IGSF22: variants seen among roughly 807,000 people sequenced by gnomAD.
IGSF22 encodes immunoglobulin superfamily member 22.
Under a neutral mutation model 127.0 loss-of-function variants are expected in IGSF22, and 119 were observed. That is an observed-to-expected ratio of 0.94 (90% CI 0.81 to 1.09). The LOEUF (loss-of-function observed/expected upper bound fraction) is 1.09, where lower values mean the gene tolerates loss of function less well. Among genes scored for constraint, IGSF22 ranks in the 50% least tolerant of loss-of-function variants. IGSF22 has a pLI of 0.00. For missense variants in IGSF22, 1,518 were observed against 1,716.6 expected (o/e 0.88, Z 2.04); for synonymous variants, 568 against 664.7 (o/e 0.85, Z 2.24).
chr11:18,706,433 C>T (rs1848235008), intron 21 of IGSF22: 1 of 496,342 alleles, frequency 2.0e-6, no homozygotes, highest in South Asian at 2.8e-5. Context: ...GCTTCCTGGA[C>T]CCGGTTATTC....
In IGSF22 at chr11:18,704,450, C is replaced by T. The variant is rs1374703187; in HGVS notation, c.*18G>A. ...TCCACATCATAACAGCCTCCTGATG[C>T]CTGGGCTTGGCTGGAGCTCACATGA... is the stretch of plus-strand genomic sequence containing the variant. On this transcript the variant is annotated 3_prime_UTR_variant, in exon 23 of 23. Coordinates refer to ENST00000513874, the MANE Select transcript of IGSF22 (RefSeq NM_173588.4). 1 of 1,535,826 alleles carries T rather than the reference C, an allele frequency of 6.5e-7. No individual in the cohort carries two copies. The highest frequency in any genetic ancestry group is 2.0e-5 in the Admixed American group (1 of 50,966).
At chr11:18,723,159 C>G (rs1238615067) in intron 2 of IGSF22, among the ~76,000 whole-genome samples, 1 of 152,190 alleles carries the variant, frequency 6.6e-6, no homozygotes, top group African/African-American at 2.4e-5. Context: ...GGTCAGTGGT[C>G]TACAGCTTTG....
chr11:18,705,865 C>T lies in IGSF22; in HGVS notation c.3862G>A (p.Glu1288Lys). Residue 1288 changes from glutamate (E) to lysine (K), a missense_variant, in exon 22 of 23, where the codon GAG (glutamate) becomes AAG (lysine). Glu to Lys is a moderately conservative substitution (Grantham distance 56). This residue lies in a region of IGSF22 where 58 missense variants were observed against 53.0 expected (regional missense o/e 1.10). Coordinates refer to ENST00000513874, the MANE Select transcript of IGSF22 (RefSeq NM_173588.4). Reference protein sequence around the residue: ...KDSGDYSVLVENELGKDRSSC... With the variant: ...KDSGDYSVLVKNELGKDRSSC... ...CTGCGGTCCTTGCCCAGCTCGTTCT[C>T]CACCAGCACGCTGTAATCGCCGCTG... is the stretch of plus-strand genomic sequence containing the variant. 1 of 1,551,300 alleles carries T rather than the reference C, an allele frequency of 6.4e-7. No homozygotes were observed. Among genetic ancestry groups the T allele is most frequent in the Non-Finnish European group, 8.7e-7 (1 of 1,146,966 alleles).
intron 2 of IGSF22, 113 bp from the exon 3 acceptor site, chr11:18,722,154 G>C (rs1848586700): frequency 1.6e-6 from 2 of 1,284,048 alleles, no homozygotes; most frequent in South Asian, 2.6e-5. Flanking sequence ...GAGCATTTAG[G>C]GAAGTGGGAG....
Position 18,724,280 on chromosome 11 carries a change from G to A in IGSF22, c.-33-11C>T, listed in dbSNP as rs1352707450. 4 of 1,403,028 alleles carry A rather than the reference G, an allele frequency of 2.9e-6. No individual in the cohort carries two copies. The highest frequency in any genetic ancestry group is 4.0e-6 in the Non-Finnish European group (4 of 990,536). 86.9% of individuals were successfully genotyped at this position (1,403,028 alleles called of 1,614,324 possible). A position where few individuals can be genotyped will look rare whatever the true frequency, so the allele number is the denominator to read the frequency against. ...CACTCACCTGTGAGACTGGGGAAGA[G>A]GATGAGGCCATGAAGGACAAGACAG... is the stretch of plus-strand genomic sequence containing the variant. On this transcript the variant is annotated splice_polypyrimidine_tract_variant and intron_variant, in intron 1 of 22. Coordinates refer to ENST00000513874, the MANE Select transcript of IGSF22 (RefSeq NM_173588.4).
rs1848341660 is a variant in IGSF22 at position 18,710,837 on chromosome 11, G to A, written c.2399-9C>T. 6.2e-7 allele frequency: 1 copy of A among 1,609,386 alleles called. No individual in the cohort carries two copies. The highest frequency in any genetic ancestry group is 8.5e-7 in the Non-Finnish European group (1 of 1,175,996). On this transcript the variant is annotated splice_polypyrimidine_tract_variant and intron_variant, in intron 15 of 22. Coordinates refer to ENST00000513874, the MANE Select transcript of IGSF22 (RefSeq NM_173588.4). ...GGCAAAACCAGGAGGCTCTGTGGGG[G>A]AAAGAGAGAGTGCAAAGGTTAGGAG...
intron 22 of IGSF22, 157 bp from the exon 23 acceptor site, chr11:18,704,695 T>C: frequency 1.6e-6 from 1 of 618,700 alleles, no homozygotes; most frequent in East Asian, 2.8e-5. Flanking sequence ...GCCATTTATC[T>C]AGCACTTAAT....
chr11:18,719,612 G>T, intron 7 of IGSF22, 104 bp downstream of exon 7: 1 of 1,119,892 alleles, frequency 8.9e-7, no homozygotes, highest in Non-Finnish European at 1.3e-6. Context: ...GTATGTGTGT[G>T]CAGAACTGGG....
chr11:18,711,333 T>G (rs996302011), intron 15 of IGSF22, among the ~76,000 whole-genome samples: 2 of 152,216 alleles, frequency 1.3e-5, no homozygotes, highest in African/African-American at 4.8e-5. Flanking sequence ...CTCAATCTAC[T>G]GTCCTGACAT....
intron 11 of IGSF22, 49 bp from the exon 12 acceptor site, chr11:18,714,673 G>A (rs1045663804): frequency 1.6e-5 from 25 of 1,603,500 alleles, no homozygotes; most frequent in African/African-American, 4.0e-5. Context: ...TGGGGTGGGA[G>A]GGACTTCTGG....
At chr11:18,719,963 C>T (rs1031671489) in intron 6 of IGSF22, 70 bp from the exon 7 acceptor site, 19 of 1,610,576 alleles carry the variant, frequency 1.2e-5, no homozygotes, top group Non-Finnish European at 1.5e-5. Context: ...CCTCCCTACT[C>T]CATGGATTCT....
In IGSF22 at chr11:18,721,532, C is replaced by T. The variant is rs1203022525; in HGVS notation, c.378+3G>A. 1 of 1,614,244 alleles carries T rather than the reference C, an allele frequency of 6.2e-7. No individual in the cohort carries two copies. Among genetic ancestry groups the T allele is most frequent in the African/African-American group, 1.3e-5 (1 of 75,086 alleles). ...TAACTGGACTTGGGCTTGGCCCCCG[C>T]ACCTTCAGCACGTGTTCCTTGTTAA... On this transcript the variant is annotated splice_donor_region_variant and intron_variant, in intron 4 of 22. Transcript: ENST00000513874.
chr11:18,710,278 G>A (rs760672219), intron 17 of IGSF22, 49 bp downstream of exon 17: 1 of 1,596,086 alleles, frequency 6.3e-7, no homozygotes, highest in Non-Finnish European at 8.6e-7. Flanking sequence ...TCTCTACTTT[G>A]AATGGGCTAA....
Position 18,721,978 on chromosome 11 carries a change from G to A in IGSF22, c.173C>T (p.Ser58Leu), listed in dbSNP as rs556195516. 2 of 1,614,044 alleles carry A rather than the reference G, an allele frequency of 1.2e-6. No homozygotes were observed. Among genetic ancestry groups the A allele is most frequent in the East Asian group, 2.2e-5 (1 of 44,872 alleles). The change falls in exon 3 of 23, where the codon TCA becomes TTA. Residue 58 changes from serine to leucine, a missense_variant. By Grantham distance (145) the Ser-to-Leu change is moderately radical. Transcript: ENST00000513874. Reference sequence around the variant, plus strand: ...GACGCTGTCGCCCGCAGGGATGTTTGAGCTCCGGGTCACTAAGCTGAAGAA... The same window carrying A: ...GACGCTGTCGCCCGCAGGGATGTTTAAGCTCCGGGTCACTAAGCTGAAGAA... ...VEFFSLVTRSSNIPAGDSVPE... is the reference protein window; with the variant it reads ...VEFFSLVTRSLNIPAGDSVPE...
chr11:18,724,287 G>T lies in IGSF22; in HGVS notation c.-33-18C>A. The T allele has an allele frequency of 7.6e-7, 1 of 1,323,390 alleles. No individual in the cohort carries two copies. The highest frequency in any genetic ancestry group is 1.1e-6 in the Non-Finnish European group (1 of 918,948). 82.0% of individuals were successfully genotyped at this position (1,323,390 alleles called of 1,614,324 possible). A position where few individuals can be genotyped will look rare whatever the true frequency, so the allele number is the denominator to read the frequency against. On this transcript the variant is annotated intron_variant, in intron 1 of 22. Transcript: ENST00000513874. ...CTGTGAGACTGGGGAAGAGGATGAG[G>T]CCATGAAGGACAAGACAGGGAGTAG... is the stretch of plus-strand genomic sequence containing the variant.
intron 17 of IGSF22, 53 bp downstream of exon 17, chr11:18,710,274 C>T (rs1276104680): frequency 1.3e-6 from 2 of 1,595,188 alleles, no homozygotes; most frequent in African/African-American, 1.3e-5. Context: ...TCTTTCTCTA[C>T]TTTGAATGGG....
chr11:18,723,927 A>G (rs1193262742), intron 2 of IGSF22, among the ~76,000 whole-genome samples: 1 of 152,210 alleles, frequency 6.6e-6, no homozygotes, highest in Admixed American at 6.5e-5. Flanking sequence ...GTTTTCCTGG[A>G]GATCTGATCT....
Position 18,709,500 on chromosome 11 carries a change from A to G in IGSF22, c.2885T>C (p.Val962Ala). The change falls in exon 18 of 23, where the codon GTG (valine) becomes GCG (alanine). Residue 962 changes from valine to alanine, a missense_variant. This residue lies in a region of IGSF22 where 1,456 missense variants were observed against 1,644.9 expected (regional missense o/e 0.89). Coordinates refer to ENST00000513874, the MANE Select transcript of IGSF22 (RefSeq NM_173588.4). This position sits in a 1 kb window ranked among gnomAD's most constrained non-coding sequence, Gnocchi z 4.8. Reference sequence around the variant, plus strand: ...TTTCTGCCTCTCGATGAGTCCTCCCACTGTGTAGCAGGTGCCTGAGATGGG... The same window carrying G: ...TTTCTGCCTCTCGATGAGTCCTCCCGCTGTGTAGCAGGTGCCTGAGATGGG... Reference protein sequence around the residue: ...KIPISGTCYTVGGLIERQKYF... With the variant: ...KIPISGTCYTAGGLIERQKYF... 1 of 1,614,064 alleles carries G rather than the reference A, an allele frequency of 6.2e-7. No individual in the cohort carries two copies. Among genetic ancestry groups the G allele is most frequent in the Non-Finnish European group, 8.5e-7 (1 of 1,180,008 alleles).
Position 18,706,913 on chromosome 11 carries a change from C to T in IGSF22, c.3580+1G>A, listed in dbSNP as rs1351937356. On this transcript the variant is annotated splice_donor_variant, in intron 21 of 22. Coordinates refer to ENST00000513874, the MANE Select transcript of IGSF22 (RefSeq NM_173588.4). LOFTEE classifies it high-confidence loss of function. ...ACCCTAACTGCAAGTCCCAGACTCA[C>T]TCTGGTCCTTATTGATGAGCCAGGT... 1.3e-5 allele frequency: 19 copies of T among 1,502,598 alleles called. No homozygotes were observed. The South Asian group carries it at 2.6e-4, about 20-fold the overall frequency. The allele number at this position is 1,502,598 out of a possible 1,614,324, so 93.1% of individuals were successfully genotyped here. A position where few individuals can be genotyped will look rare whatever the true frequency, so the allele number is the denominator to read the frequency against.
Sources: allele counts gnomAD v4.1 joint callset (sites outside exome capture counted in the v4.1 genomes callset), GRCh38; gene constraint gnomAD v4.1.1; regional missense constraint gnomAD v4.1.1; non-coding constraint Gnocchi (gnomAD v3.1); transcripts MANE v1.5; gene names NCBI Gene and HGNC (gene_info 2026-07-23, HGNC 2026-07-21).